PYM1: variants seen among roughly 807,000 people sequenced by gnomAD.
PYM1 encodes partner of Y14 and mago.
PYM1 carries 7 observed loss-of-function variants against 20.7 expected under a neutral mutation model. The ratio of observed to expected loss-of-function variants is 0.34; its 90% CI spans 0.19 to 0.64. The LOEUF (loss-of-function observed/expected upper bound fraction) is 0.64. PYM1 is among the 30% of genes least tolerant of loss of function. The probability of loss-of-function intolerance (pLI) is 0.74; values close to 1 mark genes in which losing one functional copy is unlikely to be tolerated. For missense variants in PYM1, 194 were observed against 250.0 expected (o/e 0.78, Z 1.51); for synonymous variants, 100 against 99.2 (o/e 1.01, Z -0.05).
At chr12:55,910,272 T>C (rs1048814707) in intron 1 of PYM1, among the ~76,000 whole-genome samples, 2 of 138,520 alleles carry the variant, frequency 1.4e-5, no homozygotes, top group East Asian at 2.0e-4. Context: ...TATATATATA[T>C]ATATATATAT....
intron 1 of PYM1, among the ~76,000 whole-genome samples, chr12:55,920,636 CAA>C (rs1254982255): frequency 8.6e-5 from 6 of 69,950 alleles, no homozygotes; most frequent in Admixed American, 1.6e-4. Context: ...GACTCCGTCT[CAA>C]AAAAAAAAAA....
intron 1 of PYM1, chr12:55,926,949 G>T: frequency 1.0e-6 from 1 of 998,244 alleles, no homozygotes; most frequent in South Asian, 1.7e-5. Flanking sequence ...AGAATGAATG[G>T]GGAAGGCGGT....
At chr12:55,927,158 C>G in intron 1 of PYM1, 1 of 1,551,288 alleles carries the variant, frequency 6.4e-7, no homozygotes, top group Non-Finnish European at 8.7e-7. Flanking sequence ...GGTCCCGCCC[C>G]CCTCCCCACC....
intron 1 of PYM1, among the ~76,000 whole-genome samples, chr12:55,925,667 G>A (rs191858876): frequency 3.5e-4 from 54 of 152,242 alleles, no homozygotes; most frequent in Non-Finnish European, 6.3e-4. Flanking sequence ...GAGTGACAGT[G>A]GTAGATCAAT....
At chr12:55,923,262 T>G (rs903514396) in intron 1 of PYM1, among the ~76,000 whole-genome samples, 1 of 150,660 alleles carries the variant, frequency 6.6e-6, no homozygotes, top group East Asian at 2.0e-4. Flanking sequence ...TAAAAATAAA[T>G]TAAGTAAAAA....
At chr12:55,904,613 A>T (rs942615579) in intron 1 of PYM1, among the ~76,000 whole-genome samples, 13 of 148,852 alleles carry the variant, frequency 8.7e-5, no homozygotes, top group Non-Finnish European at 1.9e-4. Flanking sequence ...AAAAAAAAAA[A>T]AAAAAAGAAA....
intron 1 of PYM1, among the ~76,000 whole-genome samples, chr12:55,905,941 T>TATATATTATTATATATATCTAATAGATAC (rs1882804489): frequency 1.6e-5 from 2 of 127,660 alleles, no homozygotes; most frequent in South Asian, 2.2e-4. Flanking sequence ...CTAATAGATA[T>TATATATTATTATATATATCTAATAGATAC]ATATATTATT....
chr12:55,922,697 C>T (rs1344365095), intron 1 of PYM1, among the ~76,000 whole-genome samples: 3 of 152,100 alleles, frequency 2.0e-5, no homozygotes, highest in Admixed American at 2.0e-4. Context: ...TGTCACTTTA[C>T]CTCTGTGGTC....
At chr12:55,913,038 T>G (rs768217852) in intron 1 of PYM1, among the ~76,000 whole-genome samples, 135 of 152,304 alleles carry the variant, frequency 8.9e-4, no homozygotes, top group Admixed American at 1.3e-3. Context: ...TCTCTGTACC[T>G]TTTTGCTTTT....
intron 1 of PYM1, among the ~76,000 whole-genome samples, chr12:55,905,847 ATATTATATAT>A (rs1389707784): frequency 2.5e-5 from 3 of 121,160 alleles, no homozygotes; most frequent in African/African-American, 9.5e-5. Context: ...TTAGATATAT[ATATTATATAT>A]TAGATATATA....
At position 55,901,661 on chromosome 12, in the gene PYM1, A is replaced by C; in HGVS notation, c.*211T>G. 6.6e-6 allele frequency: 4 copies of C among 608,410 alleles called. No homozygotes were observed. The highest frequency in any genetic ancestry group is 2.8e-5 in the South Asian group (1 of 36,302). The allele number at this position is 608,410 out of a possible 1,614,324, so 37.7% of individuals were successfully genotyped here. A position where few individuals can be genotyped will look rare whatever the true frequency, so the allele number is the denominator to read the frequency against. ...GTCACTGAGATTTTGAACACTGGGA[A>C]TGGGAGGGGGAAAGTCCAAAAAGTA... On this transcript the variant is annotated 3_prime_UTR_variant, in exon 3 of 3. Transcript: ENST00000408946.
At chr12:55,904,029 T>C (rs772689574) in intron 1 of PYM1, among the ~76,000 whole-genome samples, 1 of 152,012 alleles carries the variant, frequency 6.6e-6, no homozygotes, top group East Asian at 1.9e-4. Context: ...AGTGCAGTGG[T>C]GCAATCTCAG....
At chr12:55,915,595 A>T (rs1334261606) in intron 1 of PYM1, among the ~76,000 whole-genome samples, 1 of 151,618 alleles carries the variant, frequency 6.6e-6, no homozygotes, top group Non-Finnish European at 1.5e-5. Context: ...GAAGAAAAGT[A>T]CCGTAAGTGC....
intron 1 of PYM1, among the ~76,000 whole-genome samples, chr12:55,916,724 G>A (rs1454269589): frequency 6.6e-6 from 1 of 152,126 alleles, no homozygotes; most frequent in East Asian, 1.9e-4. Flanking sequence ...CTTGAACCCG[G>A]GAGGTGGATG....
intron 1 of PYM1, among the ~76,000 whole-genome samples, chr12:55,921,623 A>G (rs1395960885): frequency 1.3e-5 from 2 of 152,156 alleles, no homozygotes; most frequent in Non-Finnish European, 2.9e-5. Context: ...GGCTTCTTGG[A>G]GAAATGGCAG....
rs1291405729 is a variant in PYM1 at position 55,902,238 on chromosome 12, G to A, written c.249C>T (p.Leu83=). Residue 83 remains leucine, a synonymous_variant, in exon 3 of 3, where the codon CTC becomes CTT. Transcript: ENST00000408946. ...PSRPEGGEPG[L]SKTAKRNLKR... is the part of the protein sequence containing the mutation. ...TCAGGTTACGTTTGGCTGTCTTGGA[G>A]AGGCCTGGTTCACCACCTTCAGGCC... 3 of 1,614,182 alleles carry A rather than the reference G, an allele frequency of 1.9e-6. No individual in the cohort carries two copies. Among genetic ancestry groups the A allele is most frequent in the Admixed American group, 1.7e-5 (1 of 60,004 alleles).
At position 55,915,293 on chromosome 12, in the gene PYM1, CTG is replaced by C. The variant is rs202138347; in HGVS notation, c.38-11815_38-11814del. Among the ~76,000 whole-genome samples the C allele has an allele frequency of 4.2e-3, 607 of 144,332 alleles. 6 individuals carry two copies. The highest frequency in any genetic ancestry group is 0.013 in the African/African-American group (514 of 38,766). 94.7% of individuals were successfully genotyped at this position (144,332 alleles called of 152,430 possible). A position where few individuals can be genotyped will look rare whatever the true frequency, so the allele number is the denominator to read the frequency against. On this transcript the variant is annotated intron_variant, in intron 1 of 2. Coordinates refer to ENST00000408946, the MANE Select transcript of PYM1 (RefSeq NM_032345.3). Reference sequence around the variant, plus strand: ...TGCAGAGAGATCAAGGAAAGGAGAACTGAGAAAAAGGTTCTGGCTTTGGCATT... The same window carrying C: ...TGCAGAGAGATCAAGGAAAGGAGAACAGAAAAAGGTTCTGGCTTTGGCATT...
chr12:55,918,981 G>GT (rs1222934445), intron 1 of PYM1, among the ~76,000 whole-genome samples: 1 of 152,144 alleles, frequency 6.6e-6, no homozygotes, highest in Non-Finnish European at 1.5e-5. Context: ...CCTAAAAATT[G>GT]TTAAATAAGT....
chr12:55,911,879 G>A (rs973168445), intron 1 of PYM1, among the ~76,000 whole-genome samples: 1 of 151,374 alleles, frequency 6.6e-6, no homozygotes, highest in African/African-American at 2.4e-5. Context: ...GGAGATACAG[G>A]GTTAAATAAC....
Sources: allele counts gnomAD v4.1 joint callset (sites outside exome capture counted in the v4.1 genomes callset), GRCh38; gene constraint gnomAD v4.1.1; transcripts MANE v1.5; gene names NCBI Gene and HGNC (gene_info 2026-07-23, HGNC 2026-07-21).